Variants in POPDC3 observed in about 807,000 individuals in gnomAD.
The protein encoded by POPDC3 is popeye domain-containing protein 3.
A neutral mutation model predicts 28.2 loss-of-function variants in POPDC3; 20 were observed. That is an observed-to-expected ratio of 0.71 (90% CI 0.50 to 1.03). POPDC3 has a LOEUF of 1.03. Ranked by LOEUF, POPDC3 falls within the 50% of genes least tolerant of loss-of-function variation. The pLI, the probability that POPDC3 is intolerant of heterozygous loss-of-function variation, is 0.00. For missense variants in POPDC3, 316 were observed against 345.9 expected, an observed-to-expected ratio of 0.91 and a Z score of 0.69; for synonymous variants, 118 against 124.1, an observed-to-expected ratio of 0.95 and a Z score of 0.33.
chr6:105,162,186 G>A (rs1232126883), intron 1 of POPDC3, 26 bp from the exon 2 acceptor site: 26 of 1,174,310 alleles, frequency 2.2e-5, no homozygotes, highest in Middle Eastern at 3.5e-4. Context: ...AAAGATAAAG[G>A]ATCTAATTAA....
rs533264918 is a variant in POPDC3 at position 105,158,451 on chromosome 6, T to G, written c.*19A>C. On this transcript the variant is annotated 3_prime_UTR_variant, in exon 4 of 4. Coordinates refer to ENST00000254765, the MANE Select transcript of POPDC3 (RefSeq NM_022361.5). ...AAGAGAGAGTCTTTTTTTATACTTA[T>G]AAATTTCAGACTTTGATGTCATTTA... The G allele has an allele frequency of 6.3e-6, 10 of 1,575,420 alleles. No homozygotes were observed. Among genetic ancestry groups the G allele is most frequent in the Admixed American group, 1.8e-5 (1 of 54,856 alleles).
Position 105,161,807 on chromosome 6 carries a change from T to C in POPDC3, c.103A>G (p.Ile35Val), listed in dbSNP as rs372839568. ...AEGAIYHLAS[I>V]LFVVGFMGGS... ...CCCATGAAACCTACTACAAATAAAA[T>C]ACTGGCAAGATGATAAATGGCTCCT... Residue 35 changes from isoleucine to valine, a missense_variant, in exon 2 of 4, where the codon ATT becomes GTT. Transcript: ENST00000254765. 6.8e-6 allele frequency: 11 copies of C among 1,614,160 alleles called. No homozygotes were observed. Among genetic ancestry groups the C allele is most frequent in the Non-Finnish European group, 8.5e-6 (10 of 1,180,032 alleles).
intron 1 of POPDC3, among the ~76,000 whole-genome samples, chr6:105,165,162 A>G (rs1025289380): frequency 1.3e-5 from 2 of 152,220 alleles, no homozygotes; most frequent in Admixed American, 6.5e-5. Flanking sequence ...CCTCTCCAAC[A>G]TTCAGTGCCA....
chr6:105,162,941 C>A (rs1774375247), intron 1 of POPDC3, among the ~76,000 whole-genome samples: 1 of 152,138 alleles, frequency 6.6e-6, no homozygotes. Flanking sequence ...TTAGAGAGGT[C>A]AGGTAATTTA....
intron 1 of POPDC3, chr6:105,179,005 C>A: frequency 3.0e-6 from 3 of 985,402 alleles, no homozygotes; most frequent in Non-Finnish European, 3.6e-6. Flanking sequence ...CAAAAGTGGG[C>A]TTCTAATTCT....
intron 1 of POPDC3, among the ~76,000 whole-genome samples, chr6:105,173,617 G>C (rs1248536555): frequency 6.6e-6 from 1 of 152,150 alleles, no homozygotes; most frequent in Non-Finnish European, 1.5e-5. Context: ...GAAAGACTTG[G>C]CCGAGTTAGA....
In POPDC3 at chr6:105,162,104, C is replaced by T; in HGVS notation, c.-195G>A. ...AAAACTAAGAATCCCATGCTCGCTT[C>T]TTTAAGTTCATCTGGGCTCCTGATT... On this transcript the variant is annotated 5_prime_UTR_variant, in exon 2 of 4. Transcript: ENST00000254765. 1 of 1,315,796 alleles carries T rather than the reference C, an allele frequency of 7.6e-7. No individual in the cohort carries two copies. The highest frequency in any genetic ancestry group is 9.6e-7 in the Non-Finnish European group (1 of 1,038,636). The allele number at this position is 1,315,796 out of a possible 1,614,324, so 81.5% of individuals were successfully genotyped here.
At position 105,158,175 on chromosome 6, in the gene POPDC3, G is replaced by A; in HGVS notation, c.*295C>T. The A allele has an allele frequency of 6.3e-6, 2 of 316,968 alleles. No individual in the cohort carries two copies. The highest frequency in any genetic ancestry group is 1.2e-5 in the Non-Finnish European group (2 of 172,412). The allele number at this position is 316,968 out of a possible 1,614,324, so 19.6% of individuals were successfully genotyped here. On this transcript the variant is annotated 3_prime_UTR_variant, in exon 4 of 4. Coordinates refer to ENST00000254765, the MANE Select transcript of POPDC3 (RefSeq NM_022361.5). ...CAAGACAATGCATTTGAGTAAATGT[G>A]AGAAAAGAATTGAGAAAGTGGAATT...
intron 1 of POPDC3, among the ~76,000 whole-genome samples, chr6:105,171,064 A>G (rs1384216963): frequency 6.6e-6 from 1 of 152,178 alleles, no homozygotes; most frequent in Non-Finnish European, 1.5e-5. Context: ...GCAAACTGTA[A>G]ATTTTCAAAA....
chr6:105,164,034 T>C (rs1320761529), intron 1 of POPDC3, among the ~76,000 whole-genome samples: 1 of 152,184 alleles, frequency 6.6e-6, no homozygotes, highest in African/African-American at 2.4e-5. Context: ...TCAAATACAA[T>C]GAGTAGTGAG....
At chr6:105,159,646 C>T in intron 3 of POPDC3, 65 bp downstream of exon 3, 1 of 898,248 alleles carries the variant, frequency 1.1e-6, no homozygotes, top group Non-Finnish European at 1.8e-6. Flanking sequence ...TATTTGTTTA[C>T]TTATTTTTAA....
chr6:105,162,332 T>C (rs1774354443), intron 1 of POPDC3, among the ~76,000 whole-genome samples, 172 bp from the exon 2 acceptor site: 2 of 152,238 alleles, frequency 1.3e-5, no homozygotes. Flanking sequence ...ATAAAAAGTA[T>C]ATTTATTAAA....
chr6:105,163,008 G>A (rs531850045), intron 1 of POPDC3, among the ~76,000 whole-genome samples: 1 of 152,258 alleles, frequency 6.6e-6, no homozygotes, highest in Non-Finnish European at 1.5e-5. Flanking sequence ...ATGCCCATAT[G>A]CTGGGTCCAA....
chr6:105,161,006 A>C (rs1774314275), intron 2 of POPDC3, among the ~76,000 whole-genome samples: 1 of 152,220 alleles, frequency 6.6e-6, no homozygotes, highest in Admixed American at 6.5e-5. Flanking sequence ...TTACTGAAGA[A>C]AAAAAGATAA....
At chr6:105,159,891 T>C (rs1311795918) in intron 2 of POPDC3, 72 bp from the exon 3 acceptor site, 74 of 785,564 alleles carry the variant, frequency 9.4e-5, no homozygotes, top group Middle Eastern at 2.5e-4. Context: ...GGGTGGGGGG[T>C]AGAGGAAGTG....
rs1171342216 is a variant in POPDC3, at chr6:105,158,424, T to TG, written c.*45dup. The TG allele has an allele frequency of 1.3e-6, 2 of 1,487,328 alleles. No individual in the cohort carries two copies. 92.1% of individuals were successfully genotyped at this position (1,487,328 alleles called of 1,614,324 possible). A position where few individuals can be genotyped will look rare whatever the true frequency, so the allele number is the denominator to read the frequency against. ...ATTTTGCTATTTCACTGGGGAATGA[T>TG]GAAGAGAGAGTCTTTTTTTATACTT... On this transcript the variant is annotated 3_prime_UTR_variant, in exon 4 of 4. Transcript: ENST00000254765.
intron 1 of POPDC3, chr6:105,178,837 A>G: frequency 1.0e-6 from 1 of 985,468 alleles, no homozygotes; most frequent in Non-Finnish European, 1.2e-6. Flanking sequence ...AAGGAAAAAA[A>G]ATAGCCACTA....
At chr6:105,166,724 C>G in intron 1 of POPDC3, 1 of 465,000 alleles carries the variant, frequency 2.2e-6, no homozygotes, top group South Asian at 1.6e-5. Flanking sequence ...TTTTAATGGC[C>G]TTTATTATCT....
At position 105,162,093 on chromosome 6, in the gene POPDC3, C is replaced by T; in HGVS notation, c.-184G>A. 1 of 1,331,222 alleles carries T rather than the reference C, an allele frequency of 7.5e-7. No individual in the cohort carries two copies. The highest frequency in any genetic ancestry group is 9.5e-7 in the Non-Finnish European group (1 of 1,047,146). The allele number at this position is 1,331,222 out of a possible 1,614,324, so 82.5% of individuals were successfully genotyped here. A position where few individuals can be genotyped will look rare whatever the true frequency, so the allele number is the denominator to read the frequency against. ...ACGGATCTTGAAAAACTAAGAATCC[C>T]ATGCTCGCTTCTTTAAGTTCATCTG... On this transcript the variant is annotated 5_prime_UTR_variant, in exon 2 of 4. It removes an upstream start codon present in the reference 5' UTR. Transcript: ENST00000254765.
Sources: allele counts gnomAD v4.1 joint callset (sites outside exome capture counted in the v4.1 genomes callset), GRCh38; gene constraint gnomAD v4.1.1; transcripts MANE v1.5; gene names NCBI Gene and HGNC (gene_info 2026-07-23, HGNC 2026-07-21).